AGAP1: variants seen among roughly 807,000 people sequenced by gnomAD.
AGAP1 encodes the protein ArfGAP with GTPase domain, ankyrin repeat and PH domain 1.
AGAP1 carries 29 observed loss-of-function variants against 105.3 expected under a neutral mutation model. The ratio of observed to expected loss-of-function variants is 0.28; its 90% CI spans 0.21 to 0.38. The LOEUF is 0.38. AGAP1 is among the 10% of genes least tolerant of loss of function. The pLI, the probability that AGAP1 is intolerant of heterozygous loss-of-function variation, is 1.00. For synonymous variants in AGAP1, 509 were observed against 485.9 expected, an observed-to-expected ratio of 1.05 and a Z score of -0.63; for missense variants, 998 against 1,165.1, an observed-to-expected ratio of 0.86 and a Z score of 2.09.
At position 236,078,281 on chromosome 2, in the gene AGAP1, C is replaced by G. The variant is rs75377965; in HGVS notation, c.2114+29000C>G. 5.9e-5 allele frequency among the ~76,000 whole-genome samples: 9 copies of G among 152,068 alleles called. No individual in the cohort carries two copies. The highest frequency in any genetic ancestry group is 1.9e-4 in the African/African-American group (8 of 41,402). ...TGCTTGATGTAGGATTTCATCATCA[C>G]GAAACCTGTTTTTTGCTCTTTGGGC... is the stretch of plus-strand genomic sequence containing the variant. On this transcript the variant is annotated intron_variant, in intron 16 of 17. Coordinates refer to ENST00000304032, the MANE Select transcript of AGAP1 (RefSeq NM_001037131.3). This position sits in a 1 kb window ranked among gnomAD's most constrained non-coding sequence, Gnocchi z 5.3.
chr2:235,583,613 A>C (rs374587456), intron 1 of AGAP1, among the ~76,000 whole-genome samples: 1 of 135,714 alleles, frequency 7.4e-6, no homozygotes, highest in African/African-American at 2.8e-5. Flanking sequence ...GTGGTGGCTC[A>C]TGCCTGTAAT....
At position 235,706,590 on chromosome 2, in the gene AGAP1, A is replaced by G. The variant is rs559758356; in HGVS notation, c.164-2589A>G. Among the ~76,000 whole-genome samples, 9 of 152,296 alleles carry G rather than the reference A, an allele frequency of 5.9e-5. No homozygotes were observed. The South Asian group carries it at 1.0e-3, about 18-fold the overall frequency. On this transcript the variant is annotated intron_variant, in intron 1 of 17. Transcript: ENST00000304032. Reference sequence around the variant, plus strand: ...AAATGCATTTGTGAGGATCCTATCCATCTCTGTATCGCACCTGGCTGTCAT... The same window carrying G: ...AAATGCATTTGTGAGGATCCTATCCGTCTCTGTATCGCACCTGGCTGTCAT...
rs1043856721 is a variant in AGAP1, at chr2:236,000,935, T to C, written c.1645+32312T>C. ...CAGATGCCGCGTGGCGTGAGGAGGG[T>C]GAGAGTCCATGCCATAAAGGACTGT... On this transcript the variant is annotated intron_variant, in intron 13 of 17. Coordinates refer to ENST00000304032, the MANE Select transcript of AGAP1 (RefSeq NM_001037131.3). The surrounding 1 kb of genome is among the most constrained non-coding windows in gnomAD (Gnocchi z 4.3). 5.3e-5 allele frequency among the ~76,000 whole-genome samples: 8 copies of C among 151,906 alleles called. 1 individual carries two copies. Among genetic ancestry groups the C allele is most frequent in the Admixed American group, 4.6e-4 (7 of 15,266 alleles).
rs1004055360 is a variant in AGAP1, at chr2:235,719,592, C to G, written c.310+1948C>G. ...GTATTGTGTATGGTTTTTAAAAATA[C>G]ATTATTTTTAAGAGTAGGAGCGTGG... is the stretch of plus-strand genomic sequence containing the variant. On this transcript the variant is annotated intron_variant, in intron 3 of 17. Coordinates refer to ENST00000304032, the MANE Select transcript of AGAP1 (RefSeq NM_001037131.3). The surrounding 1 kb of genome is among the most constrained non-coding windows in gnomAD (Gnocchi z 4.9). 1.3e-5 allele frequency among the ~76,000 whole-genome samples: 2 copies of G among 152,198 alleles called. No homozygotes were observed. The highest frequency in any genetic ancestry group is 4.8e-5 in the African/African-American group (2 of 41,450).
Position 235,690,582 on chromosome 2 carries a change from A to G in AGAP1, c.164-18597A>G, listed in dbSNP as rs1447091024. Reference sequence around the variant, plus strand: ...CATCAGACCCAGAGTCCGAGGTAGAATGGATATTGCTAAAGCTGAGAGCTA... The same window carrying G: ...CATCAGACCCAGAGTCCGAGGTAGAGTGGATATTGCTAAAGCTGAGAGCTA... On this transcript the variant is annotated intron_variant, in intron 1 of 17. Coordinates refer to ENST00000304032, the MANE Select transcript of AGAP1 (RefSeq NM_001037131.3). The surrounding 1 kb of genome is among the most constrained non-coding windows in gnomAD (Gnocchi z 4.1). Among the ~76,000 whole-genome samples, 2 of 152,194 alleles carry G rather than the reference A, an allele frequency of 1.3e-5. No homozygotes were observed. The highest frequency in any genetic ancestry group is 2.4e-5 in the African/African-American group (1 of 41,458).
chr2:235,643,431 C>CAAAAAAAAAAAAAAAAAAAAAAAAAAA (rs56146940), intron 1 of AGAP1, among the ~76,000 whole-genome samples: 3 of 61,418 alleles, frequency 4.9e-5, no homozygotes, highest in African/African-American at 2.1e-4. Context: ...GACTGGGTCT[C>CAAAAAAAAAAAAAAAAAAAAAAAAAAA]AAAAAAAAAA....
intron 13 of AGAP1, among the ~76,000 whole-genome samples, chr2:235,975,140 A>G (rs1575941990): frequency 6.6e-6 from 1 of 152,222 alleles, no homozygotes; most frequent in South Asian, 2.1e-4. Flanking sequence ...AATGTTGCCT[A>G]CTTACAACTT....
intron 6 of AGAP1, among the ~76,000 whole-genome samples, chr2:235,785,071 C>T (rs1004670549): frequency 6.6e-6 from 1 of 152,208 alleles, no homozygotes; most frequent in Non-Finnish European, 1.5e-5. Context: ...ATTAACAGAG[C>T]AGGGAGGAGA....
chr2:235,828,204 A>T (rs1197864311), intron 9 of AGAP1, among the ~76,000 whole-genome samples: 1 of 152,066 alleles, frequency 6.6e-6, no homozygotes, highest in Non-Finnish European at 1.5e-5. Flanking sequence ...AGTATTTTGA[A>T]CTCAGTGAAA....
chr2:235,662,352 G>T lies in AGAP1; in HGVS notation c.164-46827G>T, dbSNP rs961241182. Among the ~76,000 whole-genome samples the T allele has an allele frequency of 6.6e-6, 1 of 152,128 alleles. No homozygotes were observed. Among genetic ancestry groups the T allele is most frequent in the African/African-American group, 2.4e-5 (1 of 41,414 alleles). ...GAGCTGAGCTGATGAGGAAAGTCTT[G>T]GTATGTAACCAACCAGGTCTCACCT... On this transcript the variant is annotated intron_variant, in intron 1 of 17. Transcript: ENST00000304032. This position sits in a 1 kb window ranked among gnomAD's most constrained non-coding sequence, Gnocchi z 4.2.
At chr2:235,852,678 C>A in intron 9 of AGAP1, 1 of 1,446,324 alleles carries the variant, frequency 6.9e-7, no homozygotes, top group Non-Finnish European at 9.1e-7. Context: ...TCTCCTTTCT[C>A]TCCCCAGGGC....
rs1475579461 is a variant in AGAP1 at position 235,971,059 on chromosome 2, G to T, written c.1645+2436G>T. ...ATGTGTAAGCGGGTGACGTGTGTTT[G>T]GAAGTCCAAGGCAGAGGTTCCAAGG... On this transcript the variant is annotated intron_variant, in intron 13 of 17. Transcript: ENST00000304032. The surrounding 1 kb of genome is among the most constrained non-coding windows in gnomAD (Gnocchi z 4.8). 6.6e-6 allele frequency among the ~76,000 whole-genome samples: 1 copy of T among 152,190 alleles called. No individual in the cohort carries two copies. Among genetic ancestry groups the T allele is most frequent in the East Asian group, 1.9e-4 (1 of 5,198 alleles).
intron 16 of AGAP1, among the ~76,000 whole-genome samples, chr2:236,065,052 G>A (rs569199326): frequency 1.2e-4 from 18 of 152,344 alleles, no homozygotes; most frequent in Non-Finnish European, 5.9e-5. Flanking sequence ...GCTCCATGGA[G>A]CATCAGCCTG....
At chr2:235,812,729 C>A (rs1958221823) in intron 9 of AGAP1, among the ~76,000 whole-genome samples, 1 of 152,184 alleles carries the variant, frequency 6.6e-6, no homozygotes, top group African/African-American at 2.4e-5. Context: ...GAGAGGAGCT[C>A]CACAGGCCTG....
intron 1 of AGAP1, among the ~76,000 whole-genome samples, chr2:235,666,678 C>G (rs975761081): frequency 6.7e-6 from 1 of 150,176 alleles, no homozygotes; most frequent in Admixed American, 6.7e-5. Context: ...TCTCATATGG[C>G]AAAGTGCAAA....
intron 1 of AGAP1, among the ~76,000 whole-genome samples, chr2:235,679,408 A>G (rs1346666514): frequency 5.3e-5 from 8 of 152,216 alleles, no homozygotes; most frequent in Non-Finnish European, 1.2e-4. Flanking sequence ...CGAAGCTCCA[A>G]GTATAAGCCA....
At chr2:235,898,371 T>TCG (rs1191768750) in intron 10 of AGAP1, among the ~76,000 whole-genome samples, 1 of 151,602 alleles carries the variant, frequency 6.6e-6, no homozygotes, top group Non-Finnish European at 1.5e-5. Flanking sequence ...AATAAAAATG[T>TCG]CTGACTACCA....
At position 235,908,602 on chromosome 2, in the gene AGAP1, TG is replaced by T; in HGVS notation, c.1156-135del. On this transcript the variant is annotated intron_variant, in intron 10 of 17. Transcript: ENST00000304032. This position sits in a 1 kb window ranked among gnomAD's most constrained non-coding sequence, Gnocchi z 4.4. ...CAGTACTCTATAGATAAAAATCTCA[TG>T]ATTTTTAAAGTACTTTCCACAGTGG... is the stretch of plus-strand genomic sequence containing the variant. 1 of 738,706 alleles carries T rather than the reference TG, an allele frequency of 1.4e-6. No individual in the cohort carries two copies. Among genetic ancestry groups the T allele is most frequent in the Non-Finnish European group, 2.1e-6 (1 of 471,418 alleles). 45.8% of individuals were successfully genotyped at this position (738,706 alleles called of 1,614,324 possible).
At chr2:236,029,674 CT>C (rs2057166985) in intron 13 of AGAP1, among the ~76,000 whole-genome samples, 1 of 151,808 alleles carries the variant, frequency 6.6e-6, no homozygotes, top group Non-Finnish European at 1.5e-5. Flanking sequence ...ATATTTTGTT[CT>C]TTCCTTCTTT....
Sources: allele counts gnomAD v4.1 joint callset (sites outside exome capture counted in the v4.1 genomes callset), GRCh38; gene constraint gnomAD v4.1.1; non-coding constraint Gnocchi (gnomAD v3.1); transcripts MANE v1.5; gene names NCBI Gene and HGNC (gene_info 2026-07-23, HGNC 2026-07-21).